MSH3: variants seen among roughly 807,000 people sequenced by gnomAD.
MSH3 encodes mutS homolog 3.
A neutral mutation model predicts 123.3 loss-of-function variants in MSH3; 106 were observed. The ratio of observed to expected loss-of-function variants is 0.86; its 90% CI spans 0.73 to 1.01. The LOEUF (loss-of-function observed/expected upper bound fraction) is 1.01, where lower values mean the gene tolerates loss of function less well. MSH3 is among the 50% of genes least tolerant of loss of function. The pLI is 0.00. For synonymous variants in MSH3, 515 were observed against 481.4 expected, an observed-to-expected ratio of 1.07 and a Z score of -0.91; for missense variants, 1,459 against 1,347.6, an observed-to-expected ratio of 1.08 and a Z score of -1.29.
chr5:80,808,872 T>TATCTATATATATATCTATATATATAG (rs1199231993), intron 19 of MSH3, among the ~76,000 whole-genome samples: 49 of 129,574 alleles, frequency 3.8e-4, no homozygotes, highest in South Asian at 9.8e-4. Context: ...TATATATATA[T>TATCTATATATATATCTATATATATAG]ATATATATAT....
intron 19 of MSH3, among the ~76,000 whole-genome samples, chr5:80,809,607 C>T (rs1744970701): frequency 6.6e-6 from 1 of 152,190 alleles, no homozygotes; most frequent in African/African-American, 2.4e-5. Flanking sequence ...TTTGAGACAG[C>T]TCCTTTAACA....
rs2112054039 is a variant in MSH3 at position 80,813,567 on chromosome 5, T to C, written c.2656-17T>C. The C allele has an allele frequency of 6.2e-7, 1 of 1,613,970 alleles. No homozygotes were observed. On this transcript the variant is annotated splice_polypyrimidine_tract_variant and intron_variant, in intron 19 of 23. Coordinates refer to ENST00000265081, the MANE Select transcript of MSH3 (RefSeq NM_002439.5). ...ACTTTTCTGGTACAATAAGTGAAAT[T>C]CCTTTCTAATTTTCAGGAGGACTCA... is the stretch of plus-strand genomic sequence containing the variant.
At chr5:80,800,074 A>G (rs563528555) in intron 19 of MSH3, among the ~76,000 whole-genome samples, 1 of 152,362 alleles carries the variant, frequency 6.6e-6, no homozygotes, top group Admixed American at 6.5e-5. Flanking sequence ...TGGATAAACA[A>G]TACTAAGATC....
chr5:80,660,584 A>G (rs952119360), intron 2 of MSH3, among the ~76,000 whole-genome samples: 1 of 152,214 alleles, frequency 6.6e-6, no homozygotes, highest in Non-Finnish European at 1.5e-5. Flanking sequence ...TATATTGGAA[A>G]AGTCATATTT....
chr5:80,675,171 GTA>G (rs764225623), intron 7 of MSH3, 43 bp downstream of exon 7: 2 of 1,596,348 alleles, frequency 1.3e-6, no homozygotes, highest in Non-Finnish European at 1.7e-6. Flanking sequence ...GATGTTCATG[GTA>G]TCTCTAAATA....
rs147141231 is a variant in MSH3 at position 80,748,083 on chromosome 5, C to T, written c.1763+3468C>T. ...TAGTTTAGGGTCTGGTTTTCTTCTACAGTGAGATCGTAGAACAAATAATGG... is the reference window on the plus strand; with the variant it reads ...TAGTTTAGGGTCTGGTTTTCTTCTATAGTGAGATCGTAGAACAAATAATGG... On this transcript the variant is annotated intron_variant, in intron 12 of 23. Transcript: ENST00000265081. Among the ~76,000 whole-genome samples the T allele has an allele frequency of 8.2e-4, 125 of 152,284 alleles. 1 individual carries two copies. Among genetic ancestry groups the T allele is most frequent in the Non-Finnish European group, 1.9e-4 (13 of 68,018 alleles).
chr5:80,761,791 C>A (rs963685582), intron 13 of MSH3, 113 bp downstream of exon 13: 3 of 1,195,100 alleles, frequency 2.5e-6, no homozygotes, highest in Non-Finnish European at 2.4e-6. Flanking sequence ...TAAAATCTTA[C>A]AAATAGCATG....
intron 22 of MSH3, among the ~76,000 whole-genome samples, chr5:80,865,710 C>G (rs1387477146): frequency 6.6e-6 from 1 of 151,996 alleles, no homozygotes; most frequent in Non-Finnish European, 1.5e-5. Context: ...AGCCTGTAGT[C>G]CTGTGGTGGT....
chr5:80,810,330 A>T (rs1382058309), intron 19 of MSH3, among the ~76,000 whole-genome samples: 1 of 151,134 alleles, frequency 6.6e-6, no homozygotes, highest in Non-Finnish European at 1.5e-5. Flanking sequence ...TTTTCCTCAC[A>T]TTAGACAATT....
intron 17 of MSH3, among the ~76,000 whole-genome samples, chr5:80,782,564 A>G (rs762851788): frequency 3.3e-5 from 5 of 152,198 alleles, no homozygotes; most frequent in African/African-American, 9.7e-5. Context: ...CCTAGAACCA[A>G]TCCCCTATGG....
At chr5:80,826,548 A>AT (rs10625891) in intron 20 of MSH3, among the ~76,000 whole-genome samples, 7,116 of 140,460 alleles carry the variant, frequency 0.051, 562 homozygotes, top group African/African-American at 0.17. Context: ...GAGGTTAGGA[A>AT]TTTTTTTTTT....
intron 23 of MSH3, among the ~76,000 whole-genome samples, chr5:80,874,065 A>G (rs1436748761): frequency 1.3e-5 from 2 of 152,170 alleles, no homozygotes; most frequent in African/African-American, 4.8e-5. Context: ...TCATATGACC[A>G]TGATGAACAG....
At chr5:80,757,709 A>G (rs928336007) in intron 12 of MSH3, among the ~76,000 whole-genome samples, 14 of 152,146 alleles carry the variant, frequency 9.2e-5, no homozygotes, top group Non-Finnish European at 1.6e-4. Context: ...ATCATCATCC[A>G]ATTGATGATG....
chr5:80,768,039 T>C lies in MSH3; in HGVS notation c.2003T>C (p.Leu668Pro). The change falls in exon 14 of 24, where the codon CTC becomes CCC. Residue 668 changes from leucine to proline, a missense_variant. Leu to Pro is a moderately conservative substitution (Grantham distance 98). Coordinates refer to ENST00000265081, the MANE Select transcript of MSH3 (RefSeq NM_002439.5). ...AATTCCCACATTCAGTCAGACTTGC[T>C]CCGGACCGTTATTTTAGAAATTCCT... The part of the protein sequence containing the change: ...AVNSHIQSDL[L>P]RTVILEIPEL... 1 of 1,613,850 alleles carries C rather than the reference T, an allele frequency of 6.2e-7. No homozygotes were observed.
intron 8 of MSH3, among the ~76,000 whole-genome samples, chr5:80,696,080 C>T (rs983369376): frequency 9.9e-5 from 15 of 152,106 alleles, no homozygotes; most frequent in African/African-American, 3.6e-4. Context: ...ACTGCTGGGT[C>T]CCTGGAGGAG....
chr5:80,871,507 C>T (rs1746214957), intron 22 of MSH3, among the ~76,000 whole-genome samples: 1 of 152,180 alleles, frequency 6.6e-6, no homozygotes, highest in African/African-American at 2.4e-5. Context: ...GTCAAGGCTT[C>T]CCAGCCCACA....
chr5:80,677,486 G>A (rs1272773578), intron 7 of MSH3, among the ~76,000 whole-genome samples: 1 of 152,124 alleles, frequency 6.6e-6, no homozygotes, highest in Non-Finnish European at 1.5e-5. Flanking sequence ...TTTGTAGATT[G>A]GTATATAAAT....
intron 10 of MSH3, among the ~76,000 whole-genome samples, chr5:80,739,954 C>T (rs990461395): frequency 7.9e-5 from 12 of 152,168 alleles, no homozygotes; most frequent in Admixed American, 7.9e-4. Flanking sequence ...TTCATTATAG[C>T]TATGAGAAGG....
chr5:80,833,793 G>A (rs1010459196), intron 20 of MSH3, among the ~76,000 whole-genome samples: 1 of 152,172 alleles, frequency 6.6e-6, no homozygotes, highest in African/African-American at 2.4e-5. Context: ...GATTTTAGGC[G>A]TGAGCCACTG....
Sources: gnomAD v4.1 joint callset for allele counts (sites outside exome capture counted in the v4.1 genomes callset) on GRCh38, gnomAD v4.1.1 for gene constraint, MANE v1.5 for transcripts, NCBI Gene and HGNC (gene_info 2026-07-23, HGNC 2026-07-21) for gene names.